CNTN3: variants seen among roughly 807,000 people sequenced by gnomAD.
The protein encoded by CNTN3 is contactin 3, also known as contactin-3.
CNTN3 carries 60 observed loss-of-function variants against 119.1 expected under a neutral mutation model. That is an observed-to-expected ratio of 0.50 (90% CI 0.41 to 0.62). The LOEUF (loss-of-function observed/expected upper bound fraction) is 0.62. CNTN3 is among the 20% of genes least tolerant of loss of function. CNTN3 has a pLI of 0.00. For missense variants in CNTN3, 1,101 were observed against 1,242.4 expected, an observed-to-expected ratio of 0.89 and a Z score of 1.71; for synonymous variants, 450 against 438.7, an observed-to-expected ratio of 1.03 and a Z score of -0.32.
chr3:74,356,569 G>A (rs1423931391), intron 11 of CNTN3, among the ~76,000 whole-genome samples: 3 of 151,990 alleles, frequency 2.0e-5, no homozygotes, highest in Non-Finnish European at 4.4e-5. Context: ...TACAAACAAT[G>A]GCATCGATGT....
At chr3:74,429,740 C>G (rs954270857) in intron 4 of CNTN3, among the ~76,000 whole-genome samples, 1 of 152,026 alleles carries the variant, frequency 6.6e-6, no homozygotes, top group African/African-American at 2.4e-5. Flanking sequence ...ACCACTTATC[C>G]ACTAAAGAAA....
chr3:74,337,049 A>T (rs1703411651), intron 11 of CNTN3, among the ~76,000 whole-genome samples: 1 of 152,180 alleles, frequency 6.6e-6, no homozygotes, highest in South Asian at 2.1e-4. Context: ...AAGTAGGCAG[A>T]ACACTATGTC....
intron 1 of CNTN3, among the ~76,000 whole-genome samples, chr3:74,593,786 T>A (rs1037283765): frequency 6.6e-6 from 1 of 151,968 alleles, no homozygotes; most frequent in Non-Finnish European, 1.5e-5. Context: ...TATTTTAGCA[T>A]CTGCTAAGAG....
intron 20 of CNTN3, among the ~76,000 whole-genome samples, chr3:74,268,029 A>G (rs1468952554): frequency 3.3e-5 from 5 of 152,148 alleles, no homozygotes; most frequent in Non-Finnish European, 5.9e-5. Flanking sequence ...AAGAGAGTCT[A>G]TATTTTAAAA....
chr3:74,518,355 T>A (rs1222594409), intron 2 of CNTN3, among the ~76,000 whole-genome samples: 1 of 151,998 alleles, frequency 6.6e-6, no homozygotes, highest in Non-Finnish European at 1.5e-5. Flanking sequence ...ATAGAGGGGA[T>A]GATTTGAAAT....
chr3:74,514,838 T>C (rs945951635), intron 2 of CNTN3, among the ~76,000 whole-genome samples: 5 of 152,096 alleles, frequency 3.3e-5, no homozygotes, highest in Non-Finnish European at 5.9e-5. Context: ...TGAAAATAAA[T>C]TGTTTTACAT....
chr3:74,390,821 G>C (rs749328916), intron 5 of CNTN3, among the ~76,000 whole-genome samples: 6 of 152,132 alleles, frequency 3.9e-5, no homozygotes, highest in African/African-American at 7.2e-5. Flanking sequence ...CAGATAAATG[G>C]GCGAGTGTCA....
intron 13 of CNTN3, among the ~76,000 whole-genome samples, chr3:74,316,942 A>AT: frequency 6.7e-6 from 1 of 148,660 alleles, no homozygotes; most frequent in Admixed American, 6.7e-5. Context: ...AAAAAAAAAA[A>AT]GTCTCCCATT....
intron 1 of CNTN3, among the ~76,000 whole-genome samples, chr3:74,576,443 TACAC>T (rs1704418214): frequency 6.6e-6 from 1 of 151,784 alleles, no homozygotes. Flanking sequence ...TAGACTAGAG[TACAC>T]ACAATTTCTT....
intron 4 of CNTN3, among the ~76,000 whole-genome samples, chr3:74,478,254 G>A (rs1267721932): frequency 1.3e-5 from 2 of 152,102 alleles, no homozygotes; most frequent in African/African-American, 4.8e-5. Context: ...GGGGTAGCAG[G>A]CACATCTGGA....
chr3:74,373,387 G>T (rs556397978), intron 5 of CNTN3, among the ~76,000 whole-genome samples: 1 of 152,266 alleles, frequency 6.6e-6, no homozygotes, highest in African/African-American at 2.4e-5. Context: ...GCTTTCCAAA[G>T]TGTTCCACAC....
intron 1 of CNTN3, among the ~76,000 whole-genome samples, chr3:74,608,192 A>G (rs116541369): frequency 0.012 from 1,817 of 152,238 alleles, 37 homozygotes; most frequent in African/African-American, 0.042. Context: ...CCATTATTTC[A>G]GCAGAACCCC....
At chr3:74,361,818 T>C in intron 11 of CNTN3, 72 bp downstream of exon 11, 1 of 1,436,652 alleles carries the variant, frequency 7.0e-7, no homozygotes, top group Non-Finnish European at 9.3e-7. Flanking sequence ...ATTTCATATT[T>C]AAAACCTATG....
rs78758768 is a variant in CNTN3 at position 74,364,195 on chromosome 3, T to C, written c.1213+272A>G. Among the ~76,000 whole-genome samples the C allele has an allele frequency of 3.5e-3, 534 of 152,288 alleles. 4 individuals carry two copies. The highest frequency in any genetic ancestry group is 0.012 in the African/African-American group (519 of 41,572). On this transcript the variant is annotated intron_variant, in intron 10 of 22. Coordinates refer to ENST00000263665, the MANE Select transcript of CNTN3 (RefSeq NM_020872.3). ...CTAAAAGGCTTTGCTTAGTTGGTAA[T>C]ATTGGAGGTGGATAAGGATATCTTT...
intron 13 of CNTN3, among the ~76,000 whole-genome samples, chr3:74,330,480 A>G (rs1703237700): frequency 6.6e-6 from 1 of 152,212 alleles, no homozygotes; most frequent in Non-Finnish European, 1.5e-5. Context: ...TGCCTGTCAT[A>G]TAATAGTCTA....
chr3:74,310,561 C>G (rs1347628021), intron 13 of CNTN3, among the ~76,000 whole-genome samples: 1 of 152,118 alleles, frequency 6.6e-6, no homozygotes, highest in Non-Finnish European at 1.5e-5. Flanking sequence ...AAGGACCTGT[C>G]CACAGCTGCA....
At chr3:74,430,691 G>A (rs1478625883) in intron 4 of CNTN3, among the ~76,000 whole-genome samples, 1 of 152,040 alleles carries the variant, frequency 6.6e-6, no homozygotes. Context: ...GATCCTTGTG[G>A]GACCTGAACT....
At chr3:74,560,346 C>A (rs978788229) in intron 1 of CNTN3, among the ~76,000 whole-genome samples, 3 of 152,092 alleles carry the variant, frequency 2.0e-5, no homozygotes, top group Non-Finnish European at 4.4e-5. Flanking sequence ...TGATGGTAAT[C>A]TCATATCCAC....
At chr3:74,391,557 C>CTTTT (rs554976641) in intron 5 of CNTN3, among the ~76,000 whole-genome samples, 30 of 87,022 alleles carry the variant, frequency 3.4e-4, no homozygotes, top group African/African-American at 1.1e-3. Context: ...CCCATAGTTT[C>CTTTT]TTTTTTTTTT....
Sources: gnomAD v4.1 joint callset for allele counts (sites outside exome capture counted in the v4.1 genomes callset) on GRCh38, gnomAD v4.1.1 for gene constraint, MANE v1.5 for transcripts, NCBI Gene and HGNC (gene_info 2026-07-23, HGNC 2026-07-21) for gene names.